The following FRMD4B variants were observed in gnomAD, a reference collection of about 807,000 sequenced individuals.
FRMD4B encodes the protein FERM domain-containing protein 4B.
Under a neutral mutation model 141.5 loss-of-function variants are expected in FRMD4B, and 74 were observed. The observed-to-expected ratio is 0.52, with a 90% CI of 0.43 to 0.63. The LOEUF is 0.63. Among genes scored for constraint, FRMD4B ranks in the 30% least tolerant of loss-of-function variants. The pLI is 0.00. For synonymous variants in FRMD4B, 506 were observed against 467.9 expected, an observed-to-expected ratio of 1.08 and a Z score of -1.05; for missense variants, 1,366 against 1,253.4, an observed-to-expected ratio of 1.09 and a Z score of -1.36.
rs182072075 is a variant in FRMD4B, at chr3:69,240,137, A to C, written c.581+9089T>G. On this transcript the variant is annotated intron_variant, in intron 7 of 22. Transcript: ENST00000398540. ...ATTCTTAAAAATGGTTGAGATGATA[A>C]ATTTTATGTATATTTTACTACAATT... Among the ~76,000 whole-genome samples the C allele has an allele frequency of 2.2e-4, 34 of 152,110 alleles. No homozygotes were observed. In the East Asian group the frequency reaches 6.2e-3, roughly 28 times the overall value.
chr3:69,390,276 C>T (rs974967625), upstream of FRMD4B, among the ~76,000 whole-genome samples: 2 of 152,174 alleles, frequency 1.3e-5, no homozygotes, highest in Non-Finnish European at 2.9e-5. Flanking sequence ...TTCAGCTGTA[C>T]TCTCTAGACA....
intron 8 of FRMD4B, among the ~76,000 whole-genome samples, chr3:69,223,501 G>C (rs1022482029): frequency 6.6e-6 from 1 of 151,914 alleles, no homozygotes; most frequent in Non-Finnish European, 1.5e-5. Context: ...GGTGACAGGG[G>C]GAGACTCCGT....
At chr3:69,374,148 CA>C (rs1349776198) in intron 1 of FRMD4B, among the ~76,000 whole-genome samples, 34 of 152,234 alleles carry the variant, frequency 2.2e-4, no homozygotes, top group Admixed American at 1.7e-3. Flanking sequence ...GCAAGGGGTC[CA>C]AATTTTTACA....
At chr3:69,361,179 C>A (rs554408361) in intron 1 of FRMD4B, among the ~76,000 whole-genome samples, 3 of 151,918 alleles carry the variant, frequency 2.0e-5, no homozygotes, top group African/African-American at 7.3e-5. Context: ...ATTTTCTTTA[C>A]TGATATTCAG....
chr3:69,328,031 G>T (rs188381340), intron 1 of FRMD4B, among the ~76,000 whole-genome samples: 1 of 152,192 alleles, frequency 6.6e-6, no homozygotes, highest in Admixed American at 6.5e-5. Context: ...TATGAAAAAG[G>T]AGTTAAGAAA....
chr3:69,401,674 T>C (rs563898646), intron 2 of FRMD4B, among the ~76,000 whole-genome samples: 1 of 152,134 alleles, frequency 6.6e-6, no homozygotes, highest in Non-Finnish European at 1.5e-5. Context: ...CTCAGCCTCC[T>C]GATTAGCTGG....
intron 1 of FRMD4B, among the ~76,000 whole-genome samples, chr3:69,380,430 AG>A (rs556063277): frequency 2.9e-3 from 448 of 152,342 alleles, no homozygotes; most frequent in African/African-American, 0.01. Context: ...CTCTGAGTTC[AG>A]TATTAAATCC....
intron 1 of FRMD4B, chr3:69,334,170 C>T (rs111806714): frequency 5.9e-5 from 9 of 152,256 alleles, no homozygotes; most frequent in Non-Finnish European, 1.2e-4. Context: ...TTCACATCCT[C>T]TTTAATTGCT....
intron 1 of FRMD4B, among the ~76,000 whole-genome samples, chr3:69,533,959 T>C (rs370673382): frequency 3.0e-4 from 45 of 152,324 alleles, no homozygotes; most frequent in Middle Eastern, 6.8e-3. Context: ...ACTCAATACA[T>C]GCCCAAGAAT....
chr3:69,385,932 C>G lies in FRMD4B; in HGVS notation c.58G>C (p.Val20Leu). The G allele has an allele frequency of 6.2e-7, 1 of 1,604,878 alleles. No homozygotes were observed. The highest frequency in any genetic ancestry group is 1.1e-5 in the South Asian group (1 of 88,828). The change falls in exon 1 of 23, where the codon GTA (valine) becomes CTA (leucine). Residue 20 changes from valine to leucine, a missense_variant. Physicochemically the swap from Val to Leu is conservative, Grantham distance 32 (BLOSUM62 1). Transcript: ENST00000398540. ...AGCGTGGACACGGTCAAGTTCCATA[C>G]GAAGCGGCTGCCGCTGAACAGCAGG... ...EDLLFSGSRFVWNLTVSTLRR... is the reference protein window; with the variant it reads ...EDLLFSGSRFLWNLTVSTLRR...
At chr3:69,522,108 AG>A (rs1418182409) in intron 1 of FRMD4B, among the ~76,000 whole-genome samples, 3 of 152,108 alleles carry the variant, frequency 2.0e-5, no homozygotes, top group Non-Finnish European at 4.4e-5. Context: ...GTAAGGCCTT[AG>A]GGTCAAAGAC....
intron 1 of FRMD4B, among the ~76,000 whole-genome samples, chr3:69,378,581 C>T (rs1487304263): frequency 2.0e-5 from 3 of 152,356 alleles, no homozygotes; most frequent in Admixed American, 1.3e-4. Flanking sequence ...GATACACTGA[C>T]ATCACTACAA....
chr3:69,456,420 T>C (rs1705615568), intron 1 of FRMD4B, among the ~76,000 whole-genome samples: 1 of 152,194 alleles, frequency 6.6e-6, no homozygotes, highest in African/African-American at 2.4e-5. Flanking sequence ...TCATAAAGCC[T>C]TAGTCCCAAA....
At chr3:69,358,749 T>C (rs1280233418) in intron 1 of FRMD4B, among the ~76,000 whole-genome samples, 1 of 151,880 alleles carries the variant, frequency 6.6e-6, no homozygotes, top group Admixed American at 6.6e-5. Flanking sequence ...AACAAACAAA[T>C]AAACAAACAA....
Position 69,205,152 on chromosome 3 carries a change from T to C in FRMD4B, c.877-6378A>G, listed in dbSNP as rs562108436. On this transcript the variant is annotated intron_variant, in intron 11 of 22. Transcript: ENST00000398540. Reference sequence around the variant, plus strand: ...GCAATTACAGCAGCCATTTGCGGGATAGGACTGAGTCCCCCCCCTTTTTTT... The same window carrying C: ...GCAATTACAGCAGCCATTTGCGGGACAGGACTGAGTCCCCCCCCTTTTTTT... 4.0e-5 allele frequency among the ~76,000 whole-genome samples: 6 copies of C among 150,138 alleles called. No homozygotes were observed. In the East Asian group the frequency reaches 1.2e-3, roughly 29 times the overall value.
At chr3:69,380,743 G>C (rs1488341796) in intron 1 of FRMD4B, among the ~76,000 whole-genome samples, 2 of 152,142 alleles carry the variant, frequency 1.3e-5, no homozygotes, top group African/African-American at 4.8e-5. Context: ...AAATATCCCG[G>C]AGTCTGTGCA....
chr3:69,194,749 C>G (rs934334852), intron 16 of FRMD4B, among the ~76,000 whole-genome samples: 9 of 152,178 alleles, frequency 5.9e-5, no homozygotes, highest in African/African-American at 1.2e-4. Context: ...AAACCTAATG[C>G]TGGAGTTCTT....
intron 4 of FRMD4B, among the ~76,000 whole-genome samples, chr3:69,301,824 T>C (rs1352896605): frequency 2.0e-5 from 3 of 152,246 alleles, no homozygotes; most frequent in African/African-American, 7.2e-5. Flanking sequence ...TGTCTGCATG[T>C]GAATGCAACT....
intron 5 of FRMD4B, among the ~76,000 whole-genome samples, chr3:69,280,489 C>T (rs1447058533): frequency 1.3e-5 from 2 of 152,134 alleles, no homozygotes; most frequent in Non-Finnish European, 2.9e-5. Flanking sequence ...AGTCATCTGG[C>T]CCCTAATGTA....
Sources: allele counts gnomAD v4.1 joint callset (sites outside exome capture counted in the v4.1 genomes callset), GRCh38; gene constraint gnomAD v4.1.1; transcripts MANE v1.5; gene names NCBI Gene and HGNC (gene_info 2026-07-23, HGNC 2026-07-21).